Variants in LRP1B observed in about 807,000 individuals in gnomAD.
LRP1B encodes the protein low-density lipoprotein receptor-related protein 1B.
A neutral mutation model predicts 556.6 loss-of-function variants in LRP1B; 217 were observed. The ratio of observed to expected loss-of-function variants is 0.39; its 90% CI spans 0.35 to 0.44. The LOEUF (loss-of-function observed/expected upper bound fraction) is 0.44, where lower values mean the gene tolerates loss of function less well. Among genes scored for constraint, LRP1B ranks in the 20% least tolerant of loss-of-function variants. The pLI is 1.00. For synonymous variants in LRP1B, 2,047 were observed against 1,865.8 expected, an observed-to-expected ratio of 1.10 and a Z score of -2.50; for missense variants, 5,053 against 5,620.8, an observed-to-expected ratio of 0.90 and a Z score of 3.23.
intron 35 of LRP1B, among the ~76,000 whole-genome samples, chr2:140,735,222 A>C (rs957911763): frequency 1.3e-5 from 2 of 152,194 alleles, no homozygotes; most frequent in African/African-American, 4.8e-5. Flanking sequence ...GAAGTTGCTA[A>C]GGGGGAACAT....
chr2:141,866,030 A>C (rs1464446258), intron 1 of LRP1B, among the ~76,000 whole-genome samples: 1 of 152,214 alleles, frequency 6.6e-6, no homozygotes, highest in Non-Finnish European at 1.5e-5. Context: ...ATTCGATTTC[A>C]CTGAGCAGAG....
intron 68 of LRP1B, 42 bp downstream of exon 68, chr2:140,378,138 T>C (rs1389170502): frequency 7.6e-7 from 1 of 1,319,760 alleles, no homozygotes; most frequent in Non-Finnish European, 1.1e-6. Context: ...CAAATGTGGT[T>C]CTAAAGCGCT....
At chr2:140,635,597 T>C (rs1684044071) in intron 41 of LRP1B, among the ~76,000 whole-genome samples, 1 of 152,026 alleles carries the variant, frequency 6.6e-6, no homozygotes, top group Admixed American at 6.6e-5. Flanking sequence ...CAGAAGGATA[T>C]CTTTCCACTG....
chr2:141,767,893 GC>G (rs1694778586), intron 2 of LRP1B, among the ~76,000 whole-genome samples: 2 of 152,084 alleles, frequency 1.3e-5, no homozygotes, highest in African/African-American at 4.8e-5. Context: ...CTTCTGTGGG[GC>G]CCAAACTGGC....
intron 43 of LRP1B, among the ~76,000 whole-genome samples, chr2:140,568,798 T>G (rs1454332401): frequency 6.6e-6 from 1 of 151,968 alleles, no homozygotes; most frequent in Non-Finnish European, 1.5e-5. Flanking sequence ...AGCTAAAACC[T>G]TACAGACCAG....
intron 43 of LRP1B, among the ~76,000 whole-genome samples, chr2:140,571,434 C>T (rs1386091000): frequency 2.0e-5 from 3 of 151,504 alleles, no homozygotes; most frequent in Non-Finnish European, 4.4e-5. Context: ...AATACAATGC[C>T]TAGGAATAAA....
intron 86 of LRP1B, among the ~76,000 whole-genome samples, chr2:140,262,049 T>G (rs1194252626): frequency 6.6e-6 from 1 of 152,014 alleles, no homozygotes; most frequent in Non-Finnish European, 1.5e-5. Flanking sequence ...CTTTACTAAT[T>G]TCTCAGAAGA....
chr2:140,774,897 T>A (rs1055729298), intron 33 of LRP1B, among the ~76,000 whole-genome samples: 1 of 152,158 alleles, frequency 6.6e-6, no homozygotes, highest in Non-Finnish European at 1.5e-5. Context: ...ATTTGGGTAT[T>A]ATATACATTC....
chr2:140,282,145 T>C (rs948669452), intron 84 of LRP1B, among the ~76,000 whole-genome samples: 1 of 151,860 alleles, frequency 6.6e-6, no homozygotes, highest in African/African-American at 2.4e-5. Context: ...CATTAAATCA[T>C]GCCCAAGATT....
At chr2:141,290,444 A>G (rs890127365) in intron 3 of LRP1B, among the ~76,000 whole-genome samples, 1 of 152,136 alleles carries the variant, frequency 6.6e-6, no homozygotes, top group African/African-American at 2.4e-5. Context: ...AAAAATTATG[A>G]CCATTGTTCC....
chr2:141,849,531 T>C (rs370662525), intron 1 of LRP1B, among the ~76,000 whole-genome samples: 1 of 151,768 alleles, frequency 6.6e-6, no homozygotes, highest in East Asian at 1.9e-4. Context: ...TGTCTCATAA[T>C]ACCTTTATGA....
intron 43 of LRP1B, among the ~76,000 whole-genome samples, chr2:140,570,216 A>G (rs1353773377): frequency 6.6e-6 from 1 of 151,680 alleles, no homozygotes; most frequent in Non-Finnish European, 1.5e-5. Flanking sequence ...AAAATAAAAA[A>G]TAAAATCAAT....
At chr2:140,899,674 ACT>A (rs1694046626) in intron 23 of LRP1B, among the ~76,000 whole-genome samples, 2 of 152,174 alleles carry the variant, frequency 1.3e-5, no homozygotes, top group Admixed American at 1.3e-4. Context: ...TAAATATGGG[ACT>A]GTTTGTCTTG....
In LRP1B at chr2:141,521,916, C is replaced by T. The variant is rs568649926; in HGVS notation, c.206-41383G>A. 1.1e-3 allele frequency among the ~76,000 whole-genome samples: 170 copies of T among 152,164 alleles called. 1 individual carries two copies. Among genetic ancestry groups the T allele is most frequent in the African/African-American group, 3.9e-3 (163 of 41,524 alleles). On this transcript the variant is annotated intron_variant, in intron 2 of 90. Coordinates refer to ENST00000389484, the MANE Select transcript of LRP1B (RefSeq NM_018557.3). ...AACAAATATATACTGAGTAGTTATA[C>T]GTGTACAGCATCATGCTAGGTTATA...
intron 11 of LRP1B, among the ~76,000 whole-genome samples, chr2:141,041,275 A>G (rs1359205896): frequency 6.6e-6 from 1 of 152,086 alleles, no homozygotes; most frequent in Non-Finnish European, 1.5e-5. Flanking sequence ...GCTGTAACAA[A>G]TTGTCACAAA....
At position 140,306,081 on chromosome 2, in the gene LRP1B, C is replaced by T. The variant is rs1350169928; in HGVS notation, c.12806-8112G>A. Among the ~76,000 whole-genome samples, 19 of 130,126 alleles carry T rather than the reference C, an allele frequency of 1.5e-4. 1 individual carries two copies. The highest frequency in any genetic ancestry group is 4.1e-4 in the African/African-American group (16 of 38,624). The allele number at this position is 130,126 out of a possible 152,430, so 85.4% of individuals were successfully genotyped here. On this transcript the variant is annotated intron_variant, in intron 83 of 90. Transcript: ENST00000389484. ...AGTATTTTATTCAGGATTTTTGCAT[C>T]GATATTCATCAGGTATATTGGTCTA...
intron 2 of LRP1B, among the ~76,000 whole-genome samples, chr2:141,679,641 T>C (rs2105427436): frequency 6.6e-6 from 1 of 152,236 alleles, no homozygotes; most frequent in South Asian, 2.1e-4. Flanking sequence ...TAAATAAGCA[T>C]GCACATTGAG....
chr2:141,464,596 A>ATTTTTTTTTTTTT (rs1402968531), intron 3 of LRP1B, among the ~76,000 whole-genome samples: 1 of 33,382 alleles, frequency 3.0e-5, no homozygotes, highest in African/African-American at 6.3e-5. Context: ...ATATATATAT[A>ATTTTTTTTTTTTT]TATATATATA....
chr2:141,329,296 A>G (rs1687544572), intron 3 of LRP1B, among the ~76,000 whole-genome samples: 2 of 150,916 alleles, frequency 1.3e-5, no homozygotes, highest in Admixed American at 1.3e-4. Flanking sequence ...GCTGAGGCAG[A>G]AGAATCACTG....
Sources: allele counts gnomAD v4.1 joint callset (sites outside exome capture counted in the v4.1 genomes callset), GRCh38; gene constraint gnomAD v4.1.1; transcripts MANE v1.5; gene names NCBI Gene and HGNC (gene_info 2026-07-23, HGNC 2026-07-21).